RUFY4: variants seen among roughly 807,000 people sequenced by gnomAD.
RUFY4 encodes RUN and FYVE domain-containing protein 4.
RUFY4 carries 73 observed loss-of-function variants against 69.0 expected under a neutral mutation model. The observed-to-expected ratio is 1.06, with a 90% confidence interval of 0.88 to 1.29. The LOEUF (loss-of-function observed/expected upper bound fraction) is 1.29. RUFY4 is among the 50% of genes most tolerant of loss of function. The probability of loss-of-function intolerance (pLI) is 0.00; values close to 1 mark genes in which losing one functional copy is unlikely to be tolerated. For missense variants in RUFY4, 770 were observed against 705.6 expected (o/e 1.09, Z -1.03); for synonymous variants, 287 against 271.8 (o/e 1.06, Z -0.55).
At chr2:218,042,810 C>CA (rs1272555934) in intron 2 of RUFY4, among the ~76,000 whole-genome samples, 48 of 149,314 alleles carry the variant, frequency 3.2e-4, no homozygotes, top group Admixed American at 1.1e-3. Flanking sequence ...GATAAAACTT[C>CA]AAAAAAAAAT....
upstream of RUFY4, among the ~76,000 whole-genome samples, chr2:218,067,766 C>G (rs1689378643): frequency 6.6e-6 from 1 of 152,168 alleles, no homozygotes. Flanking sequence ...CTTGATCATC[C>G]ACCTCCACTG....
At chr2:218,077,029 T>C (rs1203613875) in intron 8 of RUFY4, among the ~76,000 whole-genome samples, 1 of 152,246 alleles carries the variant, frequency 6.6e-6, no homozygotes, top group African/African-American at 2.4e-5. Context: ...CTGCTGTCGG[T>C]GCTTCTGCGT....
At chr2:218,055,771 A>G (rs949860918) in intron 2 of RUFY4, among the ~76,000 whole-genome samples, 1 of 152,198 alleles carries the variant, frequency 6.6e-6, no homozygotes, top group Non-Finnish European at 1.5e-5. Flanking sequence ...AATGTTCACC[A>G]ACCATCCCCG....
chr2:218,058,300 T>C (rs1429977300), intron 2 of RUFY4, among the ~76,000 whole-genome samples: 1 of 152,188 alleles, frequency 6.6e-6, no homozygotes, highest in Non-Finnish European at 1.5e-5. Context: ...TCATTGTGAA[T>C]AGCATACATA....
chr2:218,081,396 G>T (rs1383478620), intron 8 of RUFY4, among the ~76,000 whole-genome samples: 1 of 152,096 alleles, frequency 6.6e-6, no homozygotes, highest in Non-Finnish European at 1.5e-5. Context: ...ATTTCACCTT[G>T]TCTGAGAAGC....
chr2:218,076,882 C>G (rs992233384), intron 8 of RUFY4, among the ~76,000 whole-genome samples: 3 of 152,248 alleles, frequency 2.0e-5, no homozygotes, highest in African/African-American at 7.2e-5. Flanking sequence ...CTCCACTGGA[C>G]TTCTTTCCCC....
chr2:218,086,886 A>T lies in RUFY4; in HGVS notation c.1503-2366A>T, dbSNP rs1352260025. Among the ~76,000 whole-genome samples, 3 of 152,206 alleles carry T rather than the reference A, an allele frequency of 2.0e-5. No homozygotes were observed. In the East Asian group the frequency reaches 5.8e-4, roughly 29 times the overall value. ...TGGAGAGAAAGGGAATCAAGAGAGC[A>T]CCTGAAATGATGAAAAATTGGGAGG... On this transcript the variant is annotated intron_variant, in intron 9 of 10. Transcript: ENST00000344321.
upstream of RUFY4, among the ~76,000 whole-genome samples, chr2:218,064,319 C>T (rs1689270877): frequency 6.6e-6 from 1 of 152,116 alleles, no homozygotes; most frequent in South Asian, 2.1e-4. Context: ...CTCTGGTGGT[C>T]AGCCAGACTG....
intron 10 of RUFY4, chr2:218,089,694 A>C (rs1574522206): frequency 1.4e-6 from 1 of 703,346 alleles, no homozygotes; most frequent in East Asian, 2.7e-5. Context: ...CAGTGCTAGG[A>C]CCAGCCTTGG....
chr2:218,070,859 G>T, exon 2 of RUFY4: 1 of 1,534,290 alleles, frequency 6.5e-7, no homozygotes, highest in Non-Finnish European at 8.7e-7. Flanking sequence ...TGCTGCTGCA[G>T]GTGGGACCTT....
At chr2:218,070,305 T>C (rs1689453735), upstream of RUFY4, 12 of 429,180 alleles carry the variant, frequency 2.8e-5, no homozygotes, top group South Asian at 2.7e-4. Flanking sequence ...ATGGAGTTAA[T>C]AACCTCCAGG....
intron 8 of RUFY4, 46 bp from the exon 11 acceptor site, chr2:218,083,064 G>A (rs755070278): frequency 6.6e-7 from 1 of 1,510,910 alleles, no homozygotes; most frequent in Non-Finnish European, 8.8e-7. Flanking sequence ...CAGGCACAAA[G>A]GCTGAGCTTT....
chr2:218,057,300 T>A (rs560010621), intron 2 of RUFY4, among the ~76,000 whole-genome samples: 5 of 152,246 alleles, frequency 3.3e-5, no homozygotes, highest in Non-Finnish European at 5.9e-5. Context: ...TCTTGCCACA[T>A]AAAAGGTTTT....
chr2:218,078,705 A>C (rs1559435986), intron 8 of RUFY4, among the ~76,000 whole-genome samples: 1 of 152,164 alleles, frequency 6.6e-6, no homozygotes, highest in Non-Finnish European at 1.5e-5. Context: ...CCACCACCTC[A>C]ATCAATTTCA....
chr2:218,070,773 C>T lies in RUFY4; in HGVS notation c.67C>T (p.Gln23Ter), dbSNP rs1689466717. 2 of 1,537,034 alleles carry T rather than the reference C, an allele frequency of 1.3e-6. No individual in the cohort carries two copies. Among genetic ancestry groups the T allele is most frequent in the Non-Finnish European group, 1.7e-6 (2 of 1,146,726 alleles). ...AGCAGCTGCCGTCTCTGCCATCCTC[C>T]AGGGCTATGGGGATGGGCAGGGGCC... The change falls in exon 2 of 11, where the codon CAG becomes TAG. Residue 23 changes from glutamine to a stop codon, truncating the protein, a stop_gained. Transcript: ENST00000344321. LOFTEE classifies it high-confidence loss of function.
At chr2:218,058,507 C>T (rs1234395634) in intron 2 of RUFY4, 1 of 152,084 alleles carries the variant, frequency 6.6e-6, no homozygotes, top group African/African-American at 2.4e-5. Flanking sequence ...AGAGTTTGCA[C>T]ATAAGTTTGT....
intron 8 of RUFY4, among the ~76,000 whole-genome samples, chr2:218,079,390 C>A (rs1689709791): frequency 6.6e-6 from 1 of 152,214 alleles, no homozygotes; most frequent in Non-Finnish European, 1.5e-5. Context: ...TTGAGAATGA[C>A]TCTAAGCTTT....
upstream of RUFY4, among the ~76,000 whole-genome samples, chr2:218,068,142 A>AT (rs1689389350): frequency 3.5e-5 from 5 of 144,332 alleles, no homozygotes; most frequent in South Asian, 2.2e-4. Context: ...GGACTGGAGG[A>AT]GGGCAGGGGA....
intron 2 of RUFY4, among the ~76,000 whole-genome samples, chr2:218,052,561 CT>C (rs1688968125): frequency 6.6e-6 from 1 of 151,980 alleles, no homozygotes; most frequent in African/African-American, 2.4e-5. Flanking sequence ...TTTTCTTTAT[CT>C]TTTAAGTAAT....
Sources: gnomAD v4.1 joint callset for allele counts (sites outside exome capture counted in the v4.1 genomes callset) on GRCh38, gnomAD v4.1.1 for gene constraint, MANE v1.5 for transcripts, NCBI Gene and HGNC (gene_info 2026-07-23, HGNC 2026-07-21) for gene names.